The following GRIP2 variants were observed in gnomAD, a reference collection of about 807,000 sequenced individuals.
GRIP2 encodes glutamate receptor interacting protein 2, also known as glutamate receptor-interacting protein 2.
A neutral mutation model predicts 108.3 loss-of-function variants in GRIP2; 58 were observed. The ratio of observed to expected loss-of-function variants is 0.54; its 90% CI spans 0.43 to 0.67. GRIP2 has a LOEUF of 0.67. Ranked by LOEUF, GRIP2 falls within the 30% of genes least tolerant of loss-of-function variation. The pLI, the probability that GRIP2 is intolerant of heterozygous loss-of-function variation, is 0.00. For synonymous variants in GRIP2, 586 were observed against 598.2 expected (o/e 0.98, Z 0.30); for missense variants, 1,278 against 1,430.6 (o/e 0.89, Z 1.72).
upstream of GRIP2, among the ~76,000 whole-genome samples, chr3:14,542,877 G>A (rs1178711682): frequency 6.6e-6 from 1 of 152,190 alleles, no homozygotes; most frequent in South Asian, 2.1e-4. Context: ...TCACACAGCT[G>A]GTAAGGATGG....
chr3:14,543,096 C>T (rs1695003227), upstream of GRIP2, among the ~76,000 whole-genome samples: 1 of 152,170 alleles, frequency 6.6e-6, no homozygotes, highest in African/African-American at 2.4e-5. Flanking sequence ...AGCCATTGCA[C>T]GCGTGTGAGT....
chr3:14,583,203 A>T, the GRIP2 span, among the ~76,000 whole-genome samples: 1 of 152,026 alleles, frequency 6.6e-6, no homozygotes, highest in Admixed American at 6.6e-5. Flanking sequence ...TGGCTCGTGG[A>T]TGAGTTGGGT....
At chr3:14,525,353 C>T in intron 3 of GRIP2, 84 bp downstream of exon 3, 1 of 1,525,350 alleles carries the variant, frequency 6.6e-7, no homozygotes, top group Non-Finnish European at 8.9e-7. Flanking sequence ...TGCCTAAGAC[C>T]TTCAGTACAT....
At chr3:14,575,633 T>C in the GRIP2 span, among the ~76,000 whole-genome samples, 1 of 152,190 alleles carries the variant, frequency 6.6e-6, no homozygotes, top group South Asian at 2.1e-4. Context: ...TGGGAGCTCG[T>C]CACTAGTCAC....
At chr3:14,523,751 G>T in intron 4 of GRIP2, 53 bp from the exon 5 acceptor site, 2 of 1,229,956 alleles carry the variant, frequency 1.6e-6, no homozygotes, top group Non-Finnish European at 2.4e-6. Flanking sequence ...CTCCAGGCCG[G>T]TAGATGTGCC....
intron 1 of GRIP2, among the ~76,000 whole-genome samples, chr3:14,535,273 T>C (rs1010294221): frequency 2.0e-5 from 3 of 152,176 alleles, no homozygotes; most frequent in South Asian, 2.1e-4. Context: ...CTTGGGACTT[T>C]GATTCTAAAT....
upstream of GRIP2, among the ~76,000 whole-genome samples, chr3:14,544,005 C>T (rs548345583): frequency 2.6e-5 from 4 of 152,330 alleles, no homozygotes; most frequent in South Asian, 4.1e-4. Context: ...CCCACTTGCC[C>T]GCCAAAAGTC....
Position 14,493,777 on chromosome 3 carries a change from A to C in GRIP2, c.3020T>G (p.Leu1007Arg). Residue 1007 changes from leucine (L) to arginine (R), a missense_variant, in exon 24 of 24, where the codon CTC (leucine) becomes CGC (arginine). Coordinates refer to ENST00000621039, the MANE Select transcript of GRIP2 (RefSeq NM_001080423.4). ...CAAGACATCACCCGCCTCGGCCAGG[A>C]GTGGCACCGCCAGGCAGCAGTCGAA... ...RDFDCCLAVP[L>R]LAEAGDVLEL... The C allele has an allele frequency of 6.2e-7, 1 of 1,613,436 alleles. No individual in the cohort carries two copies. Among genetic ancestry groups the C allele is most frequent in the South Asian group, 1.1e-5 (1 of 91,016 alleles).
Position 14,514,329 on chromosome 3 carries a change from G to C in GRIP2, c.1456C>G (p.Leu486Val), listed in dbSNP as rs1357054139. ...FATETLSSPPLVCFIEPDSPA... is the reference protein window; with the variant it reads ...FATETLSSPPVVCFIEPDSPA... ...CTGTCAGGCTCGATGAAGCACACGA[G>C]GGGTGGGGAGGACAGGGTCTCGGTG... The change falls in exon 12 of 24, where the codon CTC becomes GTC. Residue 486 changes from leucine (L) to valine (V), a missense_variant. Transcript: ENST00000621039. The C allele has an allele frequency of 6.3e-6, 10 of 1,577,134 alleles. No homozygotes were observed. The highest frequency in any genetic ancestry group is 5.5e-5 in the Admixed American group (3 of 54,102).
At chr3:14,514,800 C>T (rs913586079) in intron 11 of GRIP2, among the ~76,000 whole-genome samples, 1 of 152,210 alleles carries the variant, frequency 6.6e-6, no homozygotes, top group African/African-American at 2.4e-5. Context: ...ACTGTAGTAT[C>T]TACTATATTA....
At chr3:14,514,610 AC>A in intron 11 of GRIP2, 132 bp from the exon 12 acceptor site, 2 of 853,330 alleles carry the variant, frequency 2.3e-6, no homozygotes, top group Non-Finnish European at 3.5e-6. Flanking sequence ...TCAGTCTGGG[AC>A]CAGACAGATC....
chr3:14,495,531 C>T (rs1473171800), intron 22 of GRIP2, among the ~76,000 whole-genome samples: 4 of 152,094 alleles, frequency 2.6e-5, no homozygotes, highest in African/African-American at 7.2e-5. Context: ...CTCAGCCTCC[C>T]GAATAGCTGG....
At chr3:14,554,708 C>T (rs570688427) in intron 1 of GRIP2, among the ~76,000 whole-genome samples, 3 of 148,348 alleles carry the variant, frequency 2.0e-5, no homozygotes, top group African/African-American at 7.3e-5. Flanking sequence ...ACCTCAGAGT[C>T]TGGAAAATGC....
chr3:14,600,700 A>T, the GRIP2 span, among the ~76,000 whole-genome samples: 1 of 152,152 alleles, frequency 6.6e-6, no homozygotes, highest in Non-Finnish European at 1.5e-5. Flanking sequence ...CTCATGTGAG[A>T]CCCAGCCCAC....
chr3:14,593,505 G>T, the GRIP2 span, among the ~76,000 whole-genome samples: 1 of 152,210 alleles, frequency 6.6e-6, no homozygotes, highest in Non-Finnish European at 1.5e-5. Flanking sequence ...TCACACAAAC[G>T]AGTGACACAG....
chr3:14,598,110 C>CACAA, the GRIP2 span, among the ~76,000 whole-genome samples: 1 of 152,162 alleles, frequency 6.6e-6, no homozygotes, highest in African/African-American at 2.4e-5. Flanking sequence ...CACACACAAA[C>CACAA]ACAAACACAA....
At chr3:14,510,951 G>GTC (rs1694070488) in intron 16 of GRIP2, among the ~76,000 whole-genome samples, 1 of 152,208 alleles carries the variant, frequency 6.6e-6, no homozygotes, top group African/African-American at 2.4e-5. Context: ...TCAAACTCCT[G>GTC]TCCACCTCAC....
intron 1 of GRIP2, among the ~76,000 whole-genome samples, chr3:14,547,580 G>A (rs1486747795): frequency 6.6e-6 from 1 of 152,200 alleles, no homozygotes; most frequent in African/African-American, 2.4e-5. Flanking sequence ...GGAAGAGTTT[G>A]GAGGGAGAGA....
At chr3:14,594,626 T>C in the GRIP2 span, among the ~76,000 whole-genome samples, 2 of 152,098 alleles carry the variant, frequency 1.3e-5, no homozygotes, top group Non-Finnish European at 2.9e-5. Context: ...GACAATCACA[T>C]CCAAAGGACC....
Sources: allele counts gnomAD v4.1 joint callset (sites outside exome capture counted in the v4.1 genomes callset), GRCh38; gene constraint gnomAD v4.1.1; transcripts MANE v1.5; gene names NCBI Gene and HGNC (gene_info 2026-07-23, HGNC 2026-07-21).